The following PDZD2 variants were observed in gnomAD, a reference collection of about 807,000 sequenced individuals.
The protein encoded by PDZD2 is PDZ domain-containing protein 2.
A neutral mutation model predicts 220.7 loss-of-function variants in PDZD2; 90 were observed. That is an observed-to-expected ratio of 0.41 (90% CI 0.34 to 0.49). The LOEUF (loss-of-function observed/expected upper bound fraction) is 0.49, where lower values mean the gene tolerates loss of function less well. Ranked by LOEUF, PDZD2 falls within the 20% of genes least tolerant of loss-of-function variation. The pLI is 0.28. For missense variants in PDZD2, 3,174 were observed against 3,608.5 expected, an observed-to-expected ratio of 0.88 and a Z score of 3.08; for synonymous variants, 1,375 against 1,450.5, an observed-to-expected ratio of 0.95 and a Z score of 1.18.
At position 32,025,591 on chromosome 5, in the gene PDZD2, C is replaced by CTTTTTTTTTTTTTTTTTT. The variant is rs70957998; in HGVS notation, c.1408-11629_1408-11612dup. On this transcript the variant is annotated intron_variant, in intron 6 of 24. Coordinates refer to ENST00000438447, the MANE Select transcript of PDZD2 (RefSeq NM_178140.4). ...AGTGAGCCCAAATGTAACCATGATG[C>CTTTTTTTTTTTTTTTTTT]TTTTTTTTTTTTTTTTTTTTTTTTT... 5.6e-4 allele frequency among the ~76,000 whole-genome samples: 38 copies of CTTTTTTTTTTTTTTTTTT among 67,520 alleles called. 4 individuals carry two copies. The highest frequency in any genetic ancestry group is 1.3e-3 in the African/African-American group (20 of 15,242). The allele number at this position is 67,520 out of a possible 152,430, so 44.3% of individuals were successfully genotyped here.
At chr5:32,066,565 G>A (rs1740231583) in intron 14 of PDZD2, among the ~76,000 whole-genome samples, 1 of 152,172 alleles carries the variant, frequency 6.6e-6, no homozygotes. Flanking sequence ...ATCTCCCGTT[G>A]GAGTCTACCA....
intron 1 of PDZD2, among the ~76,000 whole-genome samples, chr5:31,784,781 C>T (rs1753280299): frequency 6.6e-6 from 1 of 152,112 alleles, no homozygotes; most frequent in African/African-American, 2.4e-5. Flanking sequence ...GTGGCACATG[C>T]CTGTAATCCC....
chr5:31,784,461 T>C (rs1184680921), intron 1 of PDZD2, among the ~76,000 whole-genome samples: 1 of 152,210 alleles, frequency 6.6e-6, no homozygotes, highest in East Asian at 1.9e-4. Flanking sequence ...AGTGATCTTG[T>C]GGAGGATGGA....
rs566559630 is a variant in PDZD2 at position 31,918,454 on chromosome 5, C to T, written c.477-64701C>T. Among the ~76,000 whole-genome samples the T allele has an allele frequency of 3.9e-5, 6 of 152,284 alleles. 1 individual carries two copies. The East Asian group carries it at 1.2e-3, about 29-fold the overall frequency. The stretch of plus-strand genomic sequence containing the variant: ...GAACCATCTGGAAATCATTCATGGG[C>T]ATCATTTTGGGCATTTCAGAATTCT... On this transcript the variant is annotated intron_variant, in intron 2 of 24. Transcript: ENST00000438447.
At chr5:31,690,377 C>G (rs573947166) in intron 1 of PDZD2, among the ~76,000 whole-genome samples, 1 of 152,002 alleles carries the variant, frequency 6.6e-6, no homozygotes, top group Non-Finnish European at 1.5e-5. Context: ...TGGCAGATGA[C>G]GAGGATGATG....
chr5:31,725,421 CA>C (rs1163988583), intron 1 of PDZD2: 1 of 1,081,898 alleles, frequency 9.2e-7, no homozygotes, highest in Admixed American at 3.1e-5. Flanking sequence ...GGAAAACTAA[CA>C]AGTGTTTTTT....
chr5:31,875,006 A>G (rs1561532128), intron 2 of PDZD2, among the ~76,000 whole-genome samples: 2 of 152,222 alleles, frequency 1.3e-5, no homozygotes, highest in East Asian at 1.9e-4. Context: ...TACTGTTTAT[A>G]GATAAGCATG....
intron 2 of PDZD2, among the ~76,000 whole-genome samples, chr5:31,957,471 A>G (rs895918220): frequency 6.6e-6 from 1 of 152,240 alleles, no homozygotes; most frequent in Non-Finnish European, 1.5e-5. Context: ...ACCGAAAATC[A>G]GAAAATAATT....
chr5:31,701,031 G>A (rs932983378), intron 1 of PDZD2, among the ~76,000 whole-genome samples: 1 of 152,218 alleles, frequency 6.6e-6, no homozygotes, highest in African/African-American at 2.4e-5. Context: ...GGGGACAGGT[G>A]TGCTTCCAGT....
At chr5:31,695,622 C>T (rs532605210) in intron 1 of PDZD2, among the ~76,000 whole-genome samples, 2 of 152,176 alleles carry the variant, frequency 1.3e-5, no homozygotes, top group Non-Finnish European at 2.9e-5. Flanking sequence ...ATTTTGTGCC[C>T]AAGGCCCTCT....
At chr5:32,075,650 CTACTT>C (rs1741213239) in intron 18 of PDZD2, among the ~76,000 whole-genome samples, 1 of 152,174 alleles carries the variant, frequency 6.6e-6, no homozygotes, top group Admixed American at 6.5e-5. Context: ...CAATATACCT[CTACTT>C]TATCAAGGAG....
intron 1 of PDZD2, among the ~76,000 whole-genome samples, chr5:31,654,637 CATCTCTT>C (rs1745476850): frequency 6.6e-6 from 1 of 152,118 alleles, no homozygotes; most frequent in African/African-American, 2.4e-5. Context: ...CCAGATGCTT[CATCTCTT>C]GTTCGCTCTT....
chr5:31,892,823 G>A lies in PDZD2; in HGVS notation c.477-90332G>A, dbSNP rs534601208. 1.3e-3 allele frequency among the ~76,000 whole-genome samples: 202 copies of A among 151,824 alleles called. 3 individuals are homozygous for A. Among genetic ancestry groups the A allele is most frequent in the African/African-American group, 4.4e-3 (183 of 41,406 alleles). ...TGGGCTCCAGCAGTCCTCCTGCCTC[G>A]GCCTCCTAAAGTGCTGGGATTACAG... On this transcript the variant is annotated intron_variant, in intron 2 of 24. Transcript: ENST00000438447.
chr5:31,900,240 C>T (rs146179857), intron 2 of PDZD2, among the ~76,000 whole-genome samples: 13 of 152,254 alleles, frequency 8.5e-5, no homozygotes, highest in African/African-American at 2.9e-4. Flanking sequence ...GCGCTGTGTA[C>T]CAGCTTTCCG....
At chr5:31,697,111 T>A (rs2150131526) in intron 1 of PDZD2, among the ~76,000 whole-genome samples, 1 of 152,334 alleles carries the variant, frequency 6.6e-6, no homozygotes, top group Non-Finnish European at 1.5e-5. Context: ...AAGTATAATA[T>A]GGGCCTTATG....
chr5:31,777,154 G>T (rs1169538212), intron 1 of PDZD2, among the ~76,000 whole-genome samples: 1 of 152,170 alleles, frequency 6.6e-6, no homozygotes, highest in Non-Finnish European at 1.5e-5. Flanking sequence ...GCGGGGCAGC[G>T]TGAGTTCCGG....
chr5:31,960,572 C>G (rs1748128275), intron 2 of PDZD2, among the ~76,000 whole-genome samples: 1 of 152,106 alleles, frequency 6.6e-6, no homozygotes, highest in South Asian at 2.1e-4. Flanking sequence ...ATAGTCCTAA[C>G]CCACTCTCCT....
At chr5:31,697,332 G>A (rs932902061) in intron 1 of PDZD2, among the ~76,000 whole-genome samples, 7 of 152,176 alleles carry the variant, frequency 4.6e-5, no homozygotes, top group South Asian at 4.1e-4. Flanking sequence ...GCGTGGTGGC[G>A]GGCACCTGTA....
At chr5:31,717,355 C>T (rs893830608) in intron 1 of PDZD2, among the ~76,000 whole-genome samples, 1 of 152,148 alleles carries the variant, frequency 6.6e-6, no homozygotes, top group African/African-American at 2.4e-5. Flanking sequence ...AAGGAGAATG[C>T]AGTCTAGCCT....
Sources: gnomAD v4.1 joint callset for allele counts (sites outside exome capture counted in the v4.1 genomes callset) on GRCh38, gnomAD v4.1.1 for gene constraint, MANE v1.5 for transcripts, NCBI Gene and HGNC (gene_info 2026-07-23, HGNC 2026-07-21) for gene names.